Variants in AGBL4 observed in about 807,000 individuals in gnomAD.
AGBL4 encodes the protein cytosolic carboxypeptidase 6.
Under a neutral mutation model 66.4 loss-of-function variants are expected in AGBL4, and 58 were observed. The ratio of observed to expected loss-of-function variants is 0.87; its 90% CI spans 0.71 to 1.09. The LOEUF (loss-of-function observed/expected upper bound fraction) is 1.09. AGBL4 is among the 50% of genes least tolerant of loss of function. The pLI, the probability that AGBL4 is intolerant of heterozygous loss-of-function variation, is 0.00. For synonymous variants in AGBL4, 234 were observed against 222.9 expected (o/e 1.05, Z -0.44); for missense variants, 579 against 631.0 (o/e 0.92, Z 0.88).
chr1:49,851,133 T>A (rs1359577692), intron 2 of AGBL4, among the ~76,000 whole-genome samples: 2 of 152,154 alleles, frequency 1.3e-5, no homozygotes, highest in Non-Finnish European at 2.9e-5. Flanking sequence ...AAAAATAATA[T>A]CTTGGAAAGT....
At chr1:49,741,044 A>G (rs1650405299) in intron 2 of AGBL4, among the ~76,000 whole-genome samples, 1 of 152,104 alleles carries the variant, frequency 6.6e-6, no homozygotes, top group Non-Finnish European at 1.5e-5. Flanking sequence ...AGAAATAACT[A>G]CGATCAGAGC....
intron 5 of AGBL4, among the ~76,000 whole-genome samples, chr1:49,007,581 T>A (rs1242379131): frequency 6.6e-6 from 1 of 151,514 alleles, no homozygotes; most frequent in African/African-American, 2.4e-5. Flanking sequence ...ATTGTCAGAT[T>A]CACCAAAGTT....
chr1:48,805,273 GGAAT>G (rs1177575580), intron 6 of AGBL4, among the ~76,000 whole-genome samples: 1 of 152,122 alleles, frequency 6.6e-6, no homozygotes, highest in African/African-American at 2.4e-5. Context: ...AGTTTCTGAG[GGAAT>G]GTTTTCCATC....
intron 5 of AGBL4, among the ~76,000 whole-genome samples, chr1:48,929,940 A>T (rs138297267): frequency 6.6e-6 from 1 of 152,250 alleles, no homozygotes; most frequent in African/African-American, 2.4e-5. Context: ...GCCTCCTGGG[A>T]TGTGCTACCA....
intron 3 of AGBL4, among the ~76,000 whole-genome samples, chr1:49,467,488 A>G (rs1235715601): frequency 6.6e-6 from 1 of 151,782 alleles, no homozygotes; most frequent in Non-Finnish European, 1.5e-5. Context: ...GGCAGTAATT[A>G]TCTATCTCAT....
intron 1 of AGBL4, among the ~76,000 whole-genome samples, chr1:49,898,504 T>C (rs566165589): frequency 6.6e-6 from 1 of 152,218 alleles, no homozygotes; most frequent in Admixed American, 6.5e-5. Context: ...AACCCTCATA[T>C]TCTGTTGGTG....
intron 2 of AGBL4, among the ~76,000 whole-genome samples, chr1:49,827,448 A>G (rs1292520535): frequency 6.6e-6 from 1 of 152,208 alleles, no homozygotes; most frequent in African/African-American, 2.4e-5. Context: ...GTTAAAACAT[A>G]AGTTTGGTTT....
chr1:48,527,937 T>G (rs1643888595), downstream of AGBL4, among the ~76,000 whole-genome samples: 1 of 152,218 alleles, frequency 6.6e-6, no homozygotes, highest in South Asian at 2.1e-4. Context: ...TCCTGGAAGC[T>G]TCTAAGCAGG....
chr1:48,802,472 C>T (rs184706342), intron 6 of AGBL4, among the ~76,000 whole-genome samples: 48 of 152,258 alleles, frequency 3.2e-4, no homozygotes, highest in African/African-American at 1.1e-3. Flanking sequence ...GCATTTTAAT[C>T]ATTCCTTTCC....
chr1:49,977,739 C>G lies in AGBL4; in HGVS notation c.34+46024G>C, dbSNP rs187664813. The stretch of plus-strand genomic sequence containing the variant: ...TCAATTGGCTAATTTTTGTCACACA[C>G]ACACACAAAAAACTTCAGCCTGTCT... On this transcript the variant is annotated intron_variant, in intron 1 of 13. Transcript: ENST00000371839. Among the ~76,000 whole-genome samples the G allele has an allele frequency of 4.1e-3, 626 of 152,302 alleles. 3 individuals are homozygous for G. The highest frequency in any genetic ancestry group is 6.9e-3 in the Non-Finnish European group (471 of 68,028).
intron 3 of AGBL4, among the ~76,000 whole-genome samples, chr1:49,427,201 C>T (rs931981774): frequency 6.6e-6 from 1 of 152,110 alleles, no homozygotes; most frequent in East Asian, 1.9e-4. Context: ...TTGACAACCA[C>T]AAGTCCTTCA....
chr1:48,651,467 G>A (rs983084695), intron 8 of AGBL4, among the ~76,000 whole-genome samples: 6 of 152,068 alleles, frequency 3.9e-5, no homozygotes, highest in African/African-American at 9.7e-5. Flanking sequence ...CTCTCTGACC[G>A]CTGCTCTTGT....
chr1:48,828,056 C>T (rs1646469095), intron 6 of AGBL4, among the ~76,000 whole-genome samples: 1 of 145,080 alleles, frequency 6.9e-6, no homozygotes, highest in Non-Finnish European at 1.5e-5. Context: ...ATTAGCCGGG[C>T]ATGGTGGTAT....
intron 5 of AGBL4, among the ~76,000 whole-genome samples, chr1:49,037,331 T>TAG (rs945002443): frequency 6.6e-6 from 1 of 152,046 alleles, no homozygotes; most frequent in Non-Finnish European, 1.5e-5. Context: ...GAAAGCCAGC[T>TAG]AGACAGCGTC....
At chr1:49,820,862 G>A (rs1051642525) in intron 2 of AGBL4, among the ~76,000 whole-genome samples, 6 of 152,110 alleles carry the variant, frequency 3.9e-5, no homozygotes, top group Admixed American at 1.3e-4. Context: ...TTAGTTAAGC[G>A]CACTTAGTCA....
intron 6 of AGBL4, among the ~76,000 whole-genome samples, chr1:48,687,407 C>G (rs1483618769): frequency 6.6e-6 from 1 of 152,114 alleles, no homozygotes; most frequent in African/African-American, 2.4e-5. Flanking sequence ...TGGGCGGGTG[C>G]TCTTGCTAGC....
intron 2 of AGBL4, chr1:49,845,887 C>A: frequency 2.1e-6 from 3 of 1,411,406 alleles, no homozygotes; most frequent in Admixed American, 1.7e-5. Context: ...ACCTCACACA[C>A]CAGCAAATCC....
At chr1:49,668,493 G>T (rs1646411657) in intron 3 of AGBL4, among the ~76,000 whole-genome samples, 1 of 152,126 alleles carries the variant, frequency 6.6e-6, no homozygotes, top group Non-Finnish European at 1.5e-5. Context: ...ATGTAATTCT[G>T]ATACTAATAG....
intron 5 of AGBL4, among the ~76,000 whole-genome samples, chr1:48,953,659 TC>T (rs1409477164): frequency 3.3e-5 from 5 of 152,304 alleles, no homozygotes; most frequent in African/African-American, 1.2e-4. Context: ...GTTTTTTCCT[TC>T]TTTCAGTTGC....
Sources: gnomAD v4.1 joint callset for allele counts (sites outside exome capture counted in the v4.1 genomes callset) on GRCh38, gnomAD v4.1.1 for gene constraint, MANE v1.5 for transcripts, NCBI Gene and HGNC (gene_info 2026-07-23, HGNC 2026-07-21) for gene names.